AKAP9: variants seen among roughly 807,000 people sequenced by gnomAD.
The protein encoded by AKAP9 is A-kinase anchoring protein 9, also known as A-kinase anchor protein 9.
Under a neutral mutation model 488.5 loss-of-function variants are expected in AKAP9, and 311 were observed. That is an observed-to-expected ratio of 0.64 (90% confidence interval 0.58 to 0.70). The LOEUF is 0.70. Among genes scored for constraint, AKAP9 ranks in the 30% least tolerant of loss-of-function variants. AKAP9 has a pLI of 0.00. For missense variants in AKAP9, 4,215 were observed against 4,374.5 expected (o/e 0.96, Z 1.03); for synonymous variants, 1,462 against 1,483.5 (o/e 0.99, Z 0.33).
At chr7:92,010,359 G>T (rs1001980125) in intron 8 of AKAP9, among the ~76,000 whole-genome samples, 1 of 152,242 alleles carries the variant, frequency 6.6e-6, no homozygotes, top group African/African-American at 2.4e-5. Context: ...TCTGGGGAGG[G>T]TGACCAGATA....
chr7:92,078,223 C>A (rs1224974031), intron 30 of AKAP9, among the ~76,000 whole-genome samples: 1 of 152,066 alleles, frequency 6.6e-6, no homozygotes, highest in Non-Finnish European at 1.5e-5. Flanking sequence ...GTCTCTATCT[C>A]CTGATGTCAG....
chr7:92,037,166 AT>A (rs1173734240), intron 16 of AKAP9, among the ~76,000 whole-genome samples: 1 of 152,196 alleles, frequency 6.6e-6, no homozygotes, highest in Non-Finnish European at 1.5e-5. Flanking sequence ...CAGTTTTAGC[AT>A]TATACTTCTA....
rs901908118 is a variant in AKAP9 at position 92,100,557 on chromosome 7, T to G, written c.10897-299T>G. Among the ~76,000 whole-genome samples the G allele has an allele frequency of 1.6e-4, 25 of 152,218 alleles. 1 individual carries two copies. The highest frequency in any genetic ancestry group is 2.9e-5 in the Non-Finnish European group (2 of 68,020). ...CTATTTCAGGCACAGGCTCAAAATT[T>G]GAACCCAAATGGTCTGTTAGGTCTC... On this transcript the variant is annotated intron_variant, in intron 44 of 49. Transcript: ENST00000356239.
At chr7:91,984,562 G>T (rs1373848815) in intron 3 of AKAP9, among the ~76,000 whole-genome samples, 1 of 152,172 alleles carries the variant, frequency 6.6e-6, no homozygotes, top group Non-Finnish European at 1.5e-5. Flanking sequence ...GTCAGGTAGT[G>T]TGATGCCCCC....
At chr7:92,076,822 A>G (rs1176450084) in intron 28 of AKAP9, 33 bp from the exon 29 acceptor site, 3 of 1,295,034 alleles carry the variant, frequency 2.3e-6, no homozygotes, top group Non-Finnish European at 3.2e-6. Flanking sequence ...TTGTATAAAC[A>G]TTTTTTCTCT....
intron 38 of AKAP9, chr7:92,092,189 T>G (rs930650277): frequency 6.6e-6 from 1 of 152,216 alleles, no homozygotes; most frequent in Admixed American, 6.5e-5. Flanking sequence ...TTTTTTTCAT[T>G]TAACATACTG....
chr7:92,088,081 C>T (rs1814913437), intron 37 of AKAP9, among the ~76,000 whole-genome samples: 1 of 152,074 alleles, frequency 6.6e-6, no homozygotes, highest in Non-Finnish European at 1.5e-5. Flanking sequence ...AGTATATTTA[C>T]ATAGTCTCAA....
chr7:92,104,445 C>T (rs796497968), intron 46 of AKAP9, among the ~76,000 whole-genome samples: 2 of 152,248 alleles, frequency 1.3e-5, no homozygotes, highest in South Asian at 2.1e-4. Context: ...CCCGCCTCGG[C>T]CTCCGAAAGT....
chr7:92,002,300 A>G lies in AKAP9; in HGVS notation c.2383A>G (p.Thr795Ala), dbSNP rs772778239. 6.2e-7 allele frequency: 1 copy of G among 1,612,668 alleles called. No individual in the cohort carries two copies. The highest frequency in any genetic ancestry group is 1.3e-5 in the African/African-American group (1 of 74,970). ...KTLEDMLKIHTPVSQEERLIF... is the reference protein window; with the variant it reads ...KTLEDMLKIHAPVSQEERLIF... Reference sequence around the variant, plus strand: ...CCTTGAAGACATGTTGAAAATACATACTCCTGTTAGCCAAGAAGAAAGATT... The same window carrying G: ...CCTTGAAGACATGTTGAAAATACATGCTCCTGTTAGCCAAGAAGAAAGATT... Residue 795 changes from threonine (T) to alanine (A), a missense_variant, in exon 8 of 50, where the codon ACT (threonine) becomes GCT (alanine). This residue lies in a region of AKAP9 where 2,361 missense variants were observed against 2,430.0 expected (regional missense o/e 0.97). Coordinates refer to ENST00000356239, the MANE Select transcript of AKAP9 (RefSeq NM_005751.5).
Position 92,102,846 on chromosome 7 carries a change from T to A in AKAP9, c.11330+20T>A. 1.3e-6 allele frequency: 2 copies of A among 1,583,036 alleles called. No homozygotes were observed. The highest frequency in any genetic ancestry group is 1.7e-6 in the Non-Finnish European group (2 of 1,152,406). ...TTCCAGGTAAAGACTTGAAGGAAAA[T>A]GCATTTTACTAGTAGACTCTCTAAA... On this transcript the variant is annotated intron_variant, in intron 46 of 49. Coordinates refer to ENST00000356239, the MANE Select transcript of AKAP9 (RefSeq NM_005751.5).
intron 26 of AKAP9, among the ~76,000 whole-genome samples, chr7:92,067,164 GC>G (rs1810901769): frequency 6.6e-6 from 1 of 151,992 alleles, no homozygotes; most frequent in African/African-American, 2.4e-5. Flanking sequence ...TTACTCTTGG[GC>G]CCCTTTTTAT....
At chr7:92,102,412 A>C (rs537872057) in intron 45 of AKAP9, among the ~76,000 whole-genome samples, 182 bp from the exon 46 acceptor site, 1 of 151,250 alleles carries the variant, frequency 6.6e-6, no homozygotes, top group East Asian at 1.9e-4. Context: ...TTGCTGATAA[A>C]GTAGAAAACA....
Position 92,001,550 on chromosome 7 carries a change from C to G in AKAP9, c.1633C>G (p.Gln545Glu). ...EELSFSREQI[Q>E]RARQTIAEQE... ...ATTGAGCTTTTCAAGGGAACAGATT[C>G]AGAGAGCTAGACAGACAATAGCTGA... Residue 545 changes from glutamine (Q) to glutamate (E), a missense_variant, in exon 8 of 50, where the codon CAG becomes GAG. By Grantham distance (29) the Gln-to-Glu change is conservative. This residue lies in a region of AKAP9 where 2,361 missense variants were observed against 2,430.0 expected (regional missense o/e 0.97). Transcript: ENST00000356239. 1 of 1,613,838 alleles carries G rather than the reference C, an allele frequency of 6.2e-7. No individual in the cohort carries two copies. The highest frequency in any genetic ancestry group is 8.5e-7 in the Non-Finnish European group (1 of 1,179,872).
Position 91,957,265 on chromosome 7 carries a change from TTAAATAAACAG to T in AKAP9, c.48+16119_48+16129del, listed in dbSNP as rs1793133685. On this transcript the variant is annotated intron_variant, in intron 1 of 49. Transcript: ENST00000356239. ...TTTTTAAATGTGTAGAATTAACACT[TTAAATAAACAG>T]GTGTGAAAATTGTAAAGGAATATAT... is the stretch of plus-strand genomic sequence containing the variant. Among the ~76,000 whole-genome samples the T allele has an allele frequency of 7.2e-5, 11 of 152,276 alleles. No homozygotes were observed. In the South Asian group the frequency reaches 2.3e-3, roughly 32 times the overall value.
At chr7:92,072,854 A>T (rs1034248246) in intron 28 of AKAP9, among the ~76,000 whole-genome samples, 8 of 152,178 alleles carry the variant, frequency 5.3e-5, no homozygotes, top group African/African-American at 1.9e-4. Flanking sequence ...TTTACCGTTA[A>T]CACTTTCTTC....
chr7:92,000,928 A>G lies in AKAP9; in HGVS notation c.1011A>G (p.Lys337=). The change falls in exon 8 of 50, where the codon AAA becomes AAG. Residue 337 remains lysine, a synonymous_variant. Coordinates refer to ENST00000356239, the MANE Select transcript of AKAP9 (RefSeq NM_005751.5). ...KETIIEELNT[K]IIEEEKKTLE... ...CAATCATTGAAGAATTAAACACAAA[A>G]ATAATAGAAGAAGAAAAGAAAACTC... The G allele has an allele frequency of 6.8e-7, 1 of 1,479,460 alleles. No homozygotes were observed. Among genetic ancestry groups the G allele is most frequent in the South Asian group, 1.3e-5 (1 of 75,672 alleles). The allele number at this position is 1,479,460 out of a possible 1,614,324, so 91.6% of individuals were successfully genotyped here. A position where few individuals can be genotyped will look rare whatever the true frequency, so the allele number is the denominator to read the frequency against.
At position 92,082,547 on chromosome 7, in the gene AKAP9, A is replaced by G. The variant is rs368188164; in HGVS notation, c.8045A>G (p.Asn2682Ser). The change falls in exon 32 of 50, where the codon AAT becomes AGT. Residue 2682 changes from asparagine to serine, a missense_variant. By Grantham distance (46) the Asn-to-Ser change is conservative (BLOSUM62 1). Transcript: ENST00000356239. ...ACAACTACTGAGCTATTTCATAGCA[A>G]TGAAGAAAGTGGATTTTTTAATGAA... ...LKTTTELFHSNEESGFFNELE... is the reference protein window; with the variant it reads ...LKTTTELFHSSEESGFFNELE... 1.9e-6 allele frequency: 3 copies of G among 1,613,758 alleles called. No homozygotes were observed. The African/African-American group carries it at 4.0e-5, about 22-fold the overall frequency.
intron 18 of AKAP9, chr7:92,041,169 G>A (rs1466810255): frequency 3.2e-5 from 13 of 402,096 alleles, no homozygotes; most frequent in Admixed American, 4.1e-5. Flanking sequence ...TTCAAGCACT[G>A]GAAAAGTGGC....
intron 37 of AKAP9, among the ~76,000 whole-genome samples, chr7:92,087,044 A>C (rs1399073375): frequency 6.6e-6 from 1 of 152,350 alleles, no homozygotes; most frequent in South Asian, 2.1e-4. Context: ...CAAAAATTTG[A>C]AAAGTCACTA....
Sources: gnomAD v4.1 joint callset for allele counts (sites outside exome capture counted in the v4.1 genomes callset) on GRCh38, gnomAD v4.1.1 for gene constraint, gnomAD v4.1.1 regional missense constraint, MANE v1.5 for transcripts, NCBI Gene and HGNC (gene_info 2026-07-23, HGNC 2026-07-21) for gene names.